Variants in LNX1 observed in about 807,000 individuals in gnomAD.
LNX1 encodes E3 ubiquitin-protein ligase LNX.
Under a neutral mutation model 68.4 loss-of-function variants are expected in LNX1, and 54 were observed. The observed-to-expected ratio is 0.79, with a 90% confidence interval of 0.63 to 0.99. LNX1 has a LOEUF of 0.99. Among genes scored for constraint, LNX1 ranks in the 50% least tolerant of loss-of-function variants. LNX1 has a pLI of 0.00. For missense variants in LNX1, 906 were observed against 926.4 expected (o/e 0.98, Z 0.29); for synonymous variants, 336 against 350.0 (o/e 0.96, Z 0.45).
At chr4:53,542,553 A>C (rs537354818) in intron 2 of LNX1, among the ~76,000 whole-genome samples, 12 of 152,302 alleles carry the variant, frequency 7.9e-5, no homozygotes, top group Admixed American at 6.5e-4. Context: ...AGTGTCACAA[A>C]ATTTATGGAT....
At chr4:53,607,604 A>G (rs1211771221) in intron 2 of LNX1, among the ~76,000 whole-genome samples, 3 of 152,214 alleles carry the variant, frequency 2.0e-5, no homozygotes, top group Non-Finnish European at 4.4e-5. Flanking sequence ...AGCATTAGAA[A>G]AAGCTAATGG....
intron 1 of LNX1, among the ~76,000 whole-genome samples, chr4:53,642,854 CATGGA>C (rs1734738404): frequency 6.6e-6 from 1 of 152,210 alleles, no homozygotes; most frequent in Admixed American, 6.5e-5. Context: ...CCAGCCATGG[CATGGA>C]AGCTCCCACC....
chr4:53,462,083 A>ACTT (rs765720751), intron 9 of LNX1, among the ~76,000 whole-genome samples: 2 of 152,224 alleles, frequency 1.3e-5, no homozygotes, highest in East Asian at 3.9e-4. Context: ...GAAAAATACC[A>ACTT]CTTTACACCC....
At chr4:53,557,957 C>A (rs200583618) in intron 2 of LNX1, 1 of 1,613,546 alleles carries the variant, frequency 6.2e-7, no homozygotes, top group African/African-American at 1.3e-5. Context: ...GCAACAGAAG[C>A]GCCTTCATTC....
chr4:53,650,627 T>G lies in LNX1; in HGVS notation c.-215+1541A>C, dbSNP rs144383546. Reference sequence around the variant, plus strand: ...TAGAGGAGGAAGCTGGGATTCAAAATTAGATCTGTCTAGCTCTTTTCACCG... The same window carrying G: ...TAGAGGAGGAAGCTGGGATTCAAAAGTAGATCTGTCTAGCTCTTTTCACCG... On this transcript the variant is annotated intron_variant, in intron 1 of 2. Coordinates refer to the LNX1 transcript ENST00000507168. Among the ~76,000 whole-genome samples, 1,213 of 152,238 alleles carry G rather than the reference T, an allele frequency of 8.0e-3. 8 individuals carry two copies. The highest frequency in any genetic ancestry group is 0.014 in the Non-Finnish European group (942 of 68,008).
At chr4:53,473,200 A>G (rs1352053320) in intron 9 of LNX1, among the ~76,000 whole-genome samples, 2 of 152,230 alleles carry the variant, frequency 1.3e-5, no homozygotes, top group African/African-American at 4.8e-5. Context: ...TAAGACTTCA[A>G]GGAAGATGAG....
At chr4:53,533,694 C>T (rs952840611) in intron 2 of LNX1, among the ~76,000 whole-genome samples, 1 of 152,188 alleles carries the variant, frequency 6.6e-6, no homozygotes, top group Non-Finnish European at 1.5e-5. Context: ...AACACTGTAC[C>T]CAGCCTGGAG....
chr4:53,466,558 C>T (rs1438951252), intron 9 of LNX1, among the ~76,000 whole-genome samples: 4 of 152,200 alleles, frequency 2.6e-5, no homozygotes, highest in African/African-American at 9.6e-5. Flanking sequence ...ACCCGGGAAG[C>T]ACAAGGGATC....
chr4:53,572,417 G>A (rs62323658), intron 2 of LNX1, among the ~76,000 whole-genome samples: 2,565 of 152,070 alleles, frequency 0.017, 77 homozygotes, highest in African/African-American at 0.058. Context: ...CATAATGAGC[G>A]TGGAAAACAT....
chr4:53,530,572 A>G (rs1301165255), intron 2 of LNX1, among the ~76,000 whole-genome samples: 1 of 152,218 alleles, frequency 6.6e-6, no homozygotes, highest in African/African-American at 2.4e-5. Context: ...TTTAGAAAGC[A>G]ATTTAGCATA....
chr4:53,530,413 C>T lies in LNX1; in HGVS notation c.381-22186G>A, dbSNP rs6817878. 3.1e-3 allele frequency among the ~76,000 whole-genome samples: 473 copies of T among 152,102 alleles called. 1 individual carries two copies. Among genetic ancestry groups the T allele is most frequent in the African/African-American group, 9.4e-3 (391 of 41,508 alleles). Reference sequence around the variant, plus strand: ...AATTAAACATAAGAAAATTGTTTATCCTCATTTATAATTAAAGAAGTGCAA... The same window carrying T: ...AATTAAACATAAGAAAATTGTTTATTCTCATTTATAATTAAAGAAGTGCAA... On this transcript the variant is annotated intron_variant, in intron 2 of 10. Transcript: ENST00000263925.
intron 2 of LNX1, among the ~76,000 whole-genome samples, chr4:53,546,158 C>G (rs1277794662): frequency 6.6e-6 from 1 of 152,236 alleles, no homozygotes; most frequent in Non-Finnish European, 1.5e-5. Flanking sequence ...TGTTTCATGA[C>G]TGAACTCTGC....
chr4:53,532,393 TGAATCTG>T (rs1335680724), intron 2 of LNX1, among the ~76,000 whole-genome samples: 9 of 152,046 alleles, frequency 5.9e-5, no homozygotes, highest in African/African-American at 2.2e-4. Context: ...GAGAATCACT[TGAATCTG>T]GGAGGCAGAG....
chr4:53,600,999 A>G (rs1732981923), intron 2 of LNX1, among the ~76,000 whole-genome samples: 1 of 135,000 alleles, frequency 7.4e-6, no homozygotes, highest in Admixed American at 8.0e-5. Flanking sequence ...AATCACTTGA[A>G]CCCGGGAGGC....
chr4:53,645,893 A>G (rs574528504), intron 1 of LNX1, among the ~76,000 whole-genome samples: 11 of 152,342 alleles, frequency 7.2e-5, no homozygotes, highest in Non-Finnish European at 1.3e-4. Context: ...TTACTATTTC[A>G]TACTGATTAC....
At chr4:53,521,504 G>C (rs1727217474) in intron 2 of LNX1, among the ~76,000 whole-genome samples, 1 of 152,102 alleles carries the variant, frequency 6.6e-6, no homozygotes, top group Admixed American at 6.6e-5. Flanking sequence ...CCTTGCTCGG[G>C]GTTTGGAAAC....
intron 2 of LNX1, among the ~76,000 whole-genome samples, chr4:53,515,961 G>A (rs970066607): frequency 5.3e-5 from 8 of 152,120 alleles, no homozygotes; most frequent in African/African-American, 1.2e-4. Flanking sequence ...TTAAAGATTC[G>A]CACAAAAGGC....
intron 2 of LNX1, among the ~76,000 whole-genome samples, chr4:53,518,878 A>G (rs1726997263): frequency 6.6e-6 from 1 of 152,224 alleles, no homozygotes; most frequent in African/African-American, 2.4e-5. Context: ...TTATAGACCT[A>G]TAAATGCCAG....
intron 3 of LNX1, 72 bp downstream of exon 3, chr4:53,507,914 A>T: frequency 6.5e-7 from 1 of 1,534,150 alleles, no homozygotes; most frequent in Non-Finnish European, 8.8e-7. Flanking sequence ...AGAACTTTCC[A>T]CAGTAAGTAT....
Sources: allele counts gnomAD v4.1 joint callset (sites outside exome capture counted in the v4.1 genomes callset), GRCh38; gene constraint gnomAD v4.1.1; transcripts MANE v1.5; gene names NCBI Gene and HGNC (gene_info 2026-07-23, HGNC 2026-07-21).